RABGAP1L: variants seen among roughly 807,000 people sequenced by gnomAD.
RABGAP1L encodes the protein RAB GTPase activating protein 1 like.
A neutral mutation model predicts 137.7 loss-of-function variants in RABGAP1L; 63 were observed. The observed-to-expected ratio is 0.46, with a 90% confidence interval of 0.37 to 0.56. The LOEUF (loss-of-function observed/expected upper bound fraction) is 0.56, where lower values mean the gene tolerates loss of function less well. Among genes scored for constraint, RABGAP1L ranks in the 20% least tolerant of loss-of-function variants. The pLI, the probability that RABGAP1L is intolerant of heterozygous loss-of-function variation, is 0.00. For missense variants in RABGAP1L, 1,095 were observed against 1,244.0 expected, an observed-to-expected ratio of 0.88 and a Z score of 1.80; for synonymous variants, 431 against 433.7, an observed-to-expected ratio of 0.99 and a Z score of 0.08.
chr1:174,834,609 C>G (rs183138373), intron 19 of RABGAP1L, among the ~76,000 whole-genome samples: 5 of 149,302 alleles, frequency 3.3e-5, no homozygotes, highest in Admixed American at 6.7e-5. Context: ...CCCCGCCCCC[C>G]CCGCCGCCCC....
chr1:174,231,539 A>T (rs760195412), intron 4 of RABGAP1L, among the ~76,000 whole-genome samples, 184 bp downstream of exon 4: 31 of 152,178 alleles, frequency 2.0e-4, no homozygotes, highest in Non-Finnish European at 3.7e-4. Flanking sequence ...GTATTAGTCT[A>T]TTCTTGCACT....
chr1:174,175,200 A>T (rs1665734659), intron 1 of RABGAP1L, among the ~76,000 whole-genome samples: 1 of 152,202 alleles, frequency 6.6e-6, no homozygotes, highest in Admixed American at 6.5e-5. Context: ...TCAGTACAAT[A>T]TTATATAACT....
At chr1:174,616,231 T>G (rs1478340767) in intron 13 of RABGAP1L, among the ~76,000 whole-genome samples, 2 of 152,160 alleles carry the variant, frequency 1.3e-5, no homozygotes, top group Non-Finnish European at 2.9e-5. Context: ...TGCCCCCCGT[T>G]GGTATGCGGT....
intron 13 of RABGAP1L, among the ~76,000 whole-genome samples, chr1:174,557,820 C>T (rs941892309): frequency 6.6e-6 from 1 of 152,190 alleles, no homozygotes; most frequent in Non-Finnish European, 1.5e-5. Flanking sequence ...AATTGCTCTG[C>T]CAGGAGGGCT....
chr1:174,346,529 G>A (rs909077406), intron 11 of RABGAP1L, among the ~76,000 whole-genome samples: 5 of 152,036 alleles, frequency 3.3e-5, no homozygotes, highest in African/African-American at 9.7e-5. Flanking sequence ...GTATTGACAC[G>A]TAGCTGCTCA....
intron 13 of RABGAP1L, among the ~76,000 whole-genome samples, chr1:174,581,521 T>C (rs1346511332): frequency 6.6e-6 from 1 of 152,180 alleles, no homozygotes; most frequent in Non-Finnish European, 1.5e-5. Context: ...AGGCTACCAA[T>C]GGCCTCTGCT....
chr1:174,503,335 A>T (rs1194432903), intron 13 of RABGAP1L, among the ~76,000 whole-genome samples: 2 of 152,190 alleles, frequency 1.3e-5, no homozygotes, highest in Non-Finnish European at 2.9e-5. Flanking sequence ...AACAAATTTT[A>T]AAAATCAGGA....
intron 18 of RABGAP1L, among the ~76,000 whole-genome samples, chr1:174,775,626 T>A (rs1432701085): frequency 6.6e-6 from 1 of 152,036 alleles, no homozygotes; most frequent in Non-Finnish European, 1.5e-5. Context: ...AGAAAACTTT[T>A]TAAGAAAACA....
intron 13 of RABGAP1L, among the ~76,000 whole-genome samples, chr1:174,523,124 A>C (rs1015491387): frequency 6.6e-6 from 1 of 152,336 alleles, no homozygotes; most frequent in South Asian, 2.1e-4. Flanking sequence ...AGAGACCAGA[A>C]GAGTTTTCTA....
At chr1:174,223,468 A>C (rs1417849029) in intron 3 of RABGAP1L, among the ~76,000 whole-genome samples, 1 of 148,760 alleles carries the variant, frequency 6.7e-6, no homozygotes, top group African/African-American at 2.5e-5. Context: ...AAAAAGATTT[A>C]ACGACTTTTA....
intron 13 of RABGAP1L, among the ~76,000 whole-genome samples, chr1:174,410,089 G>T (rs1014855545): frequency 6.6e-6 from 1 of 152,042 alleles, no homozygotes; most frequent in African/African-American, 2.4e-5. Flanking sequence ...CCCTTTTGAA[G>T]TCCTTAATAA....
intron 5 of RABGAP1L, among the ~76,000 whole-genome samples, chr1:174,246,781 G>A (rs1672302123): frequency 6.6e-6 from 1 of 152,154 alleles, no homozygotes; most frequent in Non-Finnish European, 1.5e-5. Context: ...GGGTACCAAA[G>A]GACAACTGTA....
At chr1:174,228,431 G>C (rs1670367696) in intron 3 of RABGAP1L, among the ~76,000 whole-genome samples, 1 of 151,904 alleles carries the variant, frequency 6.6e-6, no homozygotes, top group Non-Finnish European at 1.5e-5. Flanking sequence ...TAATCACCCA[G>C]GCTCATCAGT....
At chr1:174,467,768 A>G (rs1243519271) in intron 13 of RABGAP1L, among the ~76,000 whole-genome samples, 1 of 152,144 alleles carries the variant, frequency 6.6e-6, no homozygotes, top group Non-Finnish European at 1.5e-5. Context: ...CACCAAAACC[A>G]TATCCTTTCT....
rs1365482696 is a variant in RABGAP1L at position 174,809,532 on chromosome 1, A to G, written c.2212-2300A>G. On this transcript the variant is annotated intron_variant, in intron 18 of 25. Coordinates refer to ENST00000681986, the MANE Select transcript of RABGAP1L (RefSeq NM_001366446.1). ...AATTAGGCCTTGGCAATATTAGAAA[A>G]TTAGATAACTATGCTACTGTCTGCA... 2.6e-5 allele frequency among the ~76,000 whole-genome samples: 4 copies of G among 152,206 alleles called. No homozygotes were observed. In the East Asian group the frequency reaches 5.8e-4, roughly 22 times the overall value.
At chr1:174,736,846 G>A (rs1340127919) in intron 17 of RABGAP1L, among the ~76,000 whole-genome samples, 5 of 152,204 alleles carry the variant, frequency 3.3e-5, no homozygotes, top group Admixed American at 3.3e-4. Context: ...GGCACTTTGA[G>A]CCATGACTGG....
chr1:174,984,130 T>G (rs1248762058), intron 24 of RABGAP1L, among the ~76,000 whole-genome samples: 1 of 150,384 alleles, frequency 6.6e-6, no homozygotes, highest in Non-Finnish European at 1.5e-5. Flanking sequence ...ACGTGTGCCA[T>G]GGTGGTTTGC....
At chr1:174,524,987 G>T (rs978007330) in intron 13 of RABGAP1L, among the ~76,000 whole-genome samples, 11 of 152,046 alleles carry the variant, frequency 7.2e-5, no homozygotes, top group African/African-American at 2.4e-4. Flanking sequence ...TTTCTATTTT[G>T]TTCCATTCGT....
chr1:174,812,086 T>G (rs928172916), intron 19 of RABGAP1L, 126 bp downstream of exon 19: 3 of 884,516 alleles, frequency 3.4e-6, no homozygotes, highest in Non-Finnish European at 4.7e-6. Flanking sequence ...GTGTATGAAC[T>G]GATTTCTCCC....
Sources: gnomAD v4.1 joint callset for allele counts (sites outside exome capture counted in the v4.1 genomes callset) on GRCh38, gnomAD v4.1.1 for gene constraint, MANE v1.5 for transcripts, NCBI Gene and HGNC (gene_info 2026-07-23, HGNC 2026-07-21) for gene names.